The following TEK variants were observed in gnomAD, a reference collection of about 807,000 sequenced individuals.
The protein encoded by TEK is angiopoietin-1 receptor.
In TEK, 43 loss-of-function variants were observed where a neutral mutation model predicts 131.8. The observed-to-expected ratio is 0.33, with a 90% CI of 0.26 to 0.42. TEK has a LOEUF of 0.42. TEK is among the 10% of genes least tolerant of loss of function. TEK has a pLI of 1.00. For missense variants in TEK, 1,162 were observed against 1,384.4 expected (o/e 0.84, Z 2.55); for synonymous variants, 580 against 491.6 (o/e 1.18, Z -2.38).
chr9:27,147,856 T>C (rs1373066680), intron 1 of TEK, among the ~76,000 whole-genome samples: 1 of 152,244 alleles, frequency 6.6e-6, no homozygotes, highest in Non-Finnish European at 1.5e-5. Context: ...TTAGACATTT[T>C]TGACGTGAGA....
intron 1 of TEK, 130 bp downstream of exon 1, chr9:27,109,772 G>T (rs1266910370): frequency 7.0e-6 from 6 of 857,340 alleles, no homozygotes; most frequent in Non-Finnish European, 9.5e-6. Flanking sequence ...CCATTTCTCT[G>T]TGAGTCTCCA....
chr9:27,198,971 A>G lies in TEK; in HGVS notation c.1909+1372A>G, dbSNP rs191307676. ...CGCCACCACACCTGACTTTTTTTAA[A>G]AATTTTTTTGTAGAGATGGGATCTC... On this transcript the variant is annotated intron_variant, in intron 12 of 22. Transcript: ENST00000380036. Among the ~76,000 whole-genome samples the G allele has an allele frequency of 8.4e-3, 1,267 of 151,676 alleles. 8 individuals are homozygous for G. Among genetic ancestry groups the G allele is most frequent in the Non-Finnish European group, 0.014 (953 of 67,902 alleles).
rs558019003 is a variant in TEK at position 27,208,174 on chromosome 9, T to TA, written c.2576-940dup. 5.9e-5 allele frequency among the ~76,000 whole-genome samples: 9 copies of TA among 152,236 alleles called. No individual in the cohort carries two copies. In the East Asian group the frequency reaches 1.2e-3, roughly 20 times the overall value. ...TGGACAACCTCACTATAAAGAACTT[T>TA]AAAAAAATATTCCCAAGATATTGAC... On this transcript the variant is annotated intron_variant, in intron 15 of 22. Coordinates refer to ENST00000380036, the MANE Select transcript of TEK (RefSeq NM_000459.5).
At chr9:27,137,931 A>C (rs1029078166) in intron 1 of TEK, among the ~76,000 whole-genome samples, 4 of 152,128 alleles carry the variant, frequency 2.6e-5, no homozygotes, top group African/African-American at 9.7e-5. Context: ...TGGTGTGTCC[A>C]GAGTTTGTTC....
At chr9:27,198,063 T>C (rs63165163) in intron 12 of TEK, among the ~76,000 whole-genome samples, 26 of 152,154 alleles carry the variant, frequency 1.7e-4, no homozygotes, top group Non-Finnish European at 2.5e-4. Context: ...ACTTTTTTTT[T>C]CCAAAGTATT....
rs778613365 is a variant in TEK, at chr9:27,173,317, G to A, written c.856G>A (p.Gly286Arg). Residue 286 changes from glycine to arginine, a missense_variant, in exon 6 of 23, where the codon GGG (glycine) becomes AGG (arginine). By Grantham distance (125) the Gly-to-Arg change is moderately radical. Coordinates refer to ENST00000380036, the MANE Select transcript of TEK (RefSeq NM_000459.5). ...TGTGTTCTGTCTCCCTGACCCCTAT[G>A]GGTGTTCCTGTGCCACAGGCTGGAA... ...SYVFCLPDPY[G>R]CSCATGWKGL... The A allele has an allele frequency of 6.2e-7, 1 of 1,614,094 alleles. No homozygotes were observed. Among genetic ancestry groups the A allele is most frequent in the Non-Finnish European group, 8.5e-7 (1 of 1,179,952 alleles).
intron 1 of TEK, among the ~76,000 whole-genome samples, chr9:27,155,766 A>C (rs1038167147): frequency 4.6e-5 from 7 of 151,744 alleles, no homozygotes; most frequent in African/African-American, 1.7e-4. Flanking sequence ...TTTTTGCCCC[A>C]AAACAGTTAA....
chr9:27,188,513 A>G (rs1824683698), intron 9 of TEK, among the ~76,000 whole-genome samples: 1 of 152,158 alleles, frequency 6.6e-6, no homozygotes. Flanking sequence ...GGGTGGCCTT[A>G]TTTTATCATA....
At chr9:27,203,803 T>A (rs985416907) in intron 13 of TEK, among the ~76,000 whole-genome samples, 38 of 152,346 alleles carry the variant, frequency 2.5e-4, no homozygotes, top group African/African-American at 8.2e-4. Flanking sequence ...TGGAGGCACG[T>A]TAGAGGCAAG....
chr9:27,176,467 C>T (rs1824177375), intron 6 of TEK, among the ~76,000 whole-genome samples: 1 of 152,186 alleles, frequency 6.6e-6, no homozygotes. Context: ...AGTCAGATTT[C>T]CTTTATGCTT....
chr9:27,136,082 G>GTTATTT (rs1822417798), intron 1 of TEK, among the ~76,000 whole-genome samples: 1 of 99,196 alleles, frequency 1.0e-5, no homozygotes, highest in Admixed American at 1.0e-4. Flanking sequence ...TCCCAGGGCA[G>GTTATTT]TTATTTTTTT....
chr9:27,173,422 A>G lies in TEK; in HGVS notation c.901+60A>G, dbSNP rs1399153724. 6 of 1,609,486 alleles carry G rather than the reference A, an allele frequency of 3.7e-6. No individual in the cohort carries two copies. In the African/African-American group the frequency reaches 8.0e-5, roughly 22 times the overall value. On this transcript the variant is annotated intron_variant, in intron 6 of 22. Coordinates refer to ENST00000380036, the MANE Select transcript of TEK (RefSeq NM_000459.5). ...TCTAGCAGGTATATAAAGGAGATCCAGTTTGCTGTCAATCACAACATCGGA... is the reference window on the plus strand; with the variant it reads ...TCTAGCAGGTATATAAAGGAGATCCGGTTTGCTGTCAATCACAACATCGGA...
At chr9:27,125,316 T>C (rs1248689233) in intron 1 of TEK, among the ~76,000 whole-genome samples, 3 of 152,200 alleles carry the variant, frequency 2.0e-5, no homozygotes, top group Non-Finnish European at 4.4e-5. Flanking sequence ...GCATGAGTAA[T>C]ACATGAGTTC....
At chr9:27,215,988 C>T (rs1249501956) in intron 18 of TEK, among the ~76,000 whole-genome samples, 2 of 151,994 alleles carry the variant, frequency 1.3e-5, no homozygotes, top group Admixed American at 1.3e-4. Flanking sequence ...ATACAGAACC[C>T]CTAGAGGAAA....
chr9:27,220,152 C>G lies in TEK; in HGVS notation c.3200+7C>G. 1.2e-6 allele frequency: 2 copies of G among 1,613,190 alleles called. No individual in the cohort carries two copies. The highest frequency in any genetic ancestry group is 2.2e-5 in the South Asian group (2 of 91,020). On this transcript the variant is annotated splice_region_variant and intron_variant, in intron 21 of 22. Transcript: ENST00000380036. Reference sequence around the variant, plus strand: ...TGAACTGTGATGATGAGGTGTAAGTCAGGCCTCATCCTGGGGCTATTTTGT... The same window carrying G: ...TGAACTGTGATGATGAGGTGTAAGTGAGGCCTCATCCTGGGGCTATTTTGT...
intron 2 of TEK, among the ~76,000 whole-genome samples, chr9:27,163,357 A>G (rs886983474): frequency 1.3e-5 from 2 of 152,144 alleles, no homozygotes; most frequent in Non-Finnish European, 2.9e-5. Context: ...TGGGGCTATA[A>G]TGAAAAAATG....
At position 27,157,859 on chromosome 9, in the gene TEK, C is replaced by A; in HGVS notation, c.81C>A (p.Ile27=). The change falls in exon 2 of 23, where the codon ATC becomes ATA. Residue 27 remains isoleucine (I), a synonymous_variant. Coordinates refer to ENST00000380036, the MANE Select transcript of TEK (RefSeq NM_000459.5). ...CTGTGGAAGGTGCCATGGACTTGAT[C>A]TTGATCAATTCCCTACCTCTTGTAT... ...SGTVEGAMDL[I]LINSLPLVSD... 6.2e-7 allele frequency: 1 copy of A among 1,614,100 alleles called. No individual in the cohort carries two copies.
intron 21 of TEK, among the ~76,000 whole-genome samples, chr9:27,226,431 C>T (rs146639236): frequency 1.1e-4 from 16 of 152,176 alleles, no homozygotes; most frequent in African/African-American, 3.1e-4. Context: ...GTCCTTTGGA[C>T]GGACATGGAT....
intron 1 of TEK, among the ~76,000 whole-genome samples, chr9:27,139,751 T>G (rs930532501): frequency 1.3e-5 from 2 of 152,106 alleles, no homozygotes; most frequent in Admixed American, 1.3e-4. Context: ...TATGGAAAAT[T>G]TCTTTTGTTG....
Sources: allele counts gnomAD v4.1 joint callset (sites outside exome capture counted in the v4.1 genomes callset), GRCh38; gene constraint gnomAD v4.1.1; transcripts MANE v1.5; gene names NCBI Gene and HGNC (gene_info 2026-07-23, HGNC 2026-07-21).